WARS2: variants seen among roughly 807,000 people sequenced by gnomAD.
WARS2 encodes the protein tryptophanyl tRNA synthetase 2, mitochondrial, also known as tryptophan--tRNA ligase, mitochondrial.
In WARS2, 28 loss-of-function variants were observed where a neutral mutation model predicts 36.5. That is an observed-to-expected ratio of 0.77 (90% confidence interval 0.57 to 1.05). The LOEUF (loss-of-function observed/expected upper bound fraction) is 1.05. Among genes scored for constraint, WARS2 ranks in the 50% least tolerant of loss-of-function variants. The pLI is 0.00. For synonymous variants in WARS2, 174 were observed against 178.4 expected, an observed-to-expected ratio of 0.98 and a Z score of 0.20; for missense variants, 435 against 456.8, an observed-to-expected ratio of 0.95 and a Z score of 0.44.
chr1:119,057,090 GT>G (rs1649883263), intron 2 of WARS2, among the ~76,000 whole-genome samples: 2 of 151,606 alleles, frequency 1.3e-5, no homozygotes. Flanking sequence ...TCTTACTATG[GT>G]TTTTTTTCTG....
At chr1:119,075,558 A>G (rs978687869) in intron 2 of WARS2, among the ~76,000 whole-genome samples, 1 of 152,242 alleles carries the variant, frequency 6.6e-6, no homozygotes, top group Non-Finnish European at 1.5e-5. Context: ...GAAATGTACA[A>G]TCAAGGAAGG....
At chr1:119,106,374 G>A (rs965816928) in intron 1 of WARS2, among the ~76,000 whole-genome samples, 2 of 152,096 alleles carry the variant, frequency 1.3e-5, no homozygotes, top group Non-Finnish European at 2.9e-5. Context: ...TATATTCTAT[G>A]GATTTGGACA....
chr1:119,131,163 C>G (rs190639401), intron 1 of WARS2, among the ~76,000 whole-genome samples: 1 of 151,984 alleles, frequency 6.6e-6, no homozygotes, highest in Non-Finnish European at 1.5e-5. Flanking sequence ...TTTTTGGAAC[C>G]GATATCTGAG....
intron 1 of WARS2, among the ~76,000 whole-genome samples, chr1:119,117,568 C>G (rs1655054550): frequency 6.6e-6 from 1 of 152,208 alleles, no homozygotes; most frequent in Non-Finnish European, 1.5e-5. Context: ...CTAATTCCAC[C>G]CTGGCTAACC....
At chr1:119,074,317 C>A (rs1651554917) in intron 2 of WARS2, among the ~76,000 whole-genome samples, 1 of 152,140 alleles carries the variant, frequency 6.6e-6, no homozygotes, top group East Asian at 1.9e-4. Context: ...ACAGTAAGGA[C>A]CTACGGGGTA....
intron 2 of WARS2, among the ~76,000 whole-genome samples, chr1:119,051,241 T>G (rs1346301583): frequency 6.6e-6 from 1 of 152,156 alleles, no homozygotes; most frequent in East Asian, 1.9e-4. Context: ...TGTCCATGTG[T>G]TCTCATCATT....
At chr1:119,122,301 A>G (rs1557754023) in intron 1 of WARS2, among the ~76,000 whole-genome samples, 1 of 152,182 alleles carries the variant, frequency 6.6e-6, no homozygotes, top group Admixed American at 6.5e-5. Context: ...AATGCTCAAT[A>G]TTACTAATTA....
chr1:119,046,170 T>C (rs143812438), intron 2 of WARS2, among the ~76,000 whole-genome samples: 33 of 152,192 alleles, frequency 2.2e-4, no homozygotes, highest in African/African-American at 7.5e-4. Context: ...TCTTTAGATA[T>C]AGGGTAACTT....
Position 119,049,556 on chromosome 1 carries a change from T to C in WARS2, c.349-3894A>G, listed in dbSNP as rs187899190. The stretch of plus-strand genomic sequence containing the variant: ...CTTGCTGATGACCTCCAGACTCATA[T>C]ATCCAGCTACCTATTCAGCCTCTCT... On this transcript the variant is annotated intron_variant, in intron 2 of 5. Transcript: ENST00000235521. 9.3e-4 allele frequency among the ~76,000 whole-genome samples: 142 copies of C among 152,334 alleles called. 1 individual carries two copies. The highest frequency in any genetic ancestry group is 1.6e-3 in the Non-Finnish European group (107 of 68,030).
intron 2 of WARS2, among the ~76,000 whole-genome samples, chr1:119,055,735 G>A (rs1649730790): frequency 6.6e-6 from 1 of 151,028 alleles, no homozygotes; most frequent in Non-Finnish European, 1.5e-5. Context: ...AGGAGGAGAA[G>A]AGGGAGGGAG....
Position 119,034,324 on chromosome 1 carries a change from A to G in WARS2, c.516-111T>C, listed in dbSNP as rs1571248957. ...AATATTTCACTGTTGGTATTCAACA[A>G]ATGTTCACCAACTATAGAGGGAATG... On this transcript the variant is annotated intron_variant, in intron 4 of 5. Transcript: ENST00000235521. 6 of 859,236 alleles carry G rather than the reference A, an allele frequency of 7.0e-6. No individual in the cohort carries two copies. The East Asian group carries it at 1.6e-4, about 22-fold the overall frequency. The allele number at this position is 859,236 out of a possible 1,614,324, so 53.2% of individuals were successfully genotyped here.
chr1:119,119,277 T>C (rs587631726), intron 1 of WARS2, among the ~76,000 whole-genome samples: 11 of 152,078 alleles, frequency 7.2e-5, no homozygotes, highest in African/African-American at 2.6e-4. Flanking sequence ...AGCTATTATA[T>C]CAGACAAAAC....
chr1:119,088,646 G>A (rs955496428), intron 1 of WARS2, among the ~76,000 whole-genome samples: 5 of 152,194 alleles, frequency 3.3e-5, no homozygotes, highest in African/African-American at 9.6e-5. Context: ...CGCTGTGGTC[G>A]TAGCCTCTAT....
rs764963097 is a variant in WARS2, at chr1:119,073,198, C to A, written c.348+3152G>T. 4.2e-4 allele frequency among the ~76,000 whole-genome samples: 64 copies of A among 151,112 alleles called. 1 individual carries two copies. Among genetic ancestry groups the A allele is most frequent in the South Asian group, 8.4e-4 (4 of 4,764 alleles). ...AGAAAAGAAAGTAACATCAGTGAGA[C>A]AAATAATGAAATGTTAACAAGTGAT... On this transcript the variant is annotated intron_variant, in intron 2 of 5. Transcript: ENST00000235521.
At chr1:119,082,718 A>G (rs587612991) in intron 1 of WARS2, among the ~76,000 whole-genome samples, 2 of 152,086 alleles carry the variant, frequency 1.3e-5, no homozygotes, top group South Asian at 4.2e-4. Flanking sequence ...GGCCAAGGGC[A>G]TACAACTAGT....
chr1:119,035,086 A>T (rs1647761922), intron 4 of WARS2, among the ~76,000 whole-genome samples: 1 of 152,230 alleles, frequency 6.6e-6, no homozygotes, highest in Non-Finnish European at 1.5e-5. Context: ...AATATAGGGA[A>T]TGACTTCATC....
At chr1:119,115,680 T>C (rs1156311276) in intron 1 of WARS2, among the ~76,000 whole-genome samples, 1 of 152,166 alleles carries the variant, frequency 6.6e-6, no homozygotes, top group South Asian at 2.1e-4. Flanking sequence ...TAATTAGTTT[T>C]CTCTCTCTTT....
intron 2 of WARS2, among the ~76,000 whole-genome samples, chr1:119,073,893 T>C (rs1651517440): frequency 2.6e-5 from 4 of 152,206 alleles, no homozygotes; most frequent in Admixed American, 1.3e-4. Context: ...CCTGAGAGAT[T>C]GAGCTCAAAG....
At chr1:119,034,696 G>A (rs1371523120) in intron 4 of WARS2, among the ~76,000 whole-genome samples, 6 of 152,042 alleles carry the variant, frequency 3.9e-5, no homozygotes, top group African/African-American at 1.2e-4. Context: ...TGTCACATAG[G>A]GAGTAATTCA....
Sources: allele counts gnomAD v4.1 joint callset (sites outside exome capture counted in the v4.1 genomes callset), GRCh38; gene constraint gnomAD v4.1.1; transcripts MANE v1.5; gene names NCBI Gene and HGNC (gene_info 2026-07-23, HGNC 2026-07-21).